CSMD1: variants seen among roughly 807,000 people sequenced by gnomAD.
The protein encoded by CSMD1 is CUB and Sushi multiple domains 1, also known as CUB and sushi domain-containing protein 1.
In CSMD1, 213 loss-of-function variants were observed where a neutral mutation model predicts 417.5. The ratio of observed to expected loss-of-function variants is 0.51; its 90% CI spans 0.46 to 0.57. The LOEUF is 0.57. CSMD1 is among the 20% of genes least tolerant of loss of function. The pLI, the probability that CSMD1 is intolerant of heterozygous loss-of-function variation, is 0.00. For missense variants in CSMD1, 6,923 were observed against 4,529.7 expected (o/e 1.53, Z -15.17); for synonymous variants, 2,862 against 1,736.8 (o/e 1.65, Z -16.11).
At chr8:3,249,419 T>G (rs1325770229) in intron 26 of CSMD1, among the ~76,000 whole-genome samples, 1 of 152,158 alleles carries the variant, frequency 6.6e-6, no homozygotes, top group Admixed American at 6.5e-5. Flanking sequence ...TGATGGCGTT[T>G]CACCATGTTG....
At chr8:4,302,166 G>T (rs766373537) in intron 3 of CSMD1, among the ~76,000 whole-genome samples, 1 of 152,168 alleles carries the variant, frequency 6.6e-6, no homozygotes, top group African/African-American at 2.4e-5. Flanking sequence ...AAGGCCAATT[G>T]CCAGGTGGAA....
At chr8:3,869,039 G>A (rs921561563) in intron 5 of CSMD1, among the ~76,000 whole-genome samples, 2 of 152,174 alleles carry the variant, frequency 1.3e-5, no homozygotes, top group East Asian at 1.9e-4. Flanking sequence ...TATTTACAGT[G>A]CCCTCAGGGT....
chr8:3,921,854 G>C (rs1024461675), intron 5 of CSMD1, among the ~76,000 whole-genome samples: 2 of 152,090 alleles, frequency 1.3e-5, no homozygotes, highest in African/African-American at 2.4e-5. Flanking sequence ...AAATGTATAT[G>C]CTGCTGCTGT....
intron 3 of CSMD1, among the ~76,000 whole-genome samples, chr8:4,209,033 C>A (rs1278370733): frequency 6.6e-6 from 1 of 152,138 alleles, no homozygotes; most frequent in Non-Finnish European, 1.5e-5. Context: ...CAATTGTATT[C>A]TCTCCTGTCT....
At chr8:3,301,182 CAT>C (rs1007555744) in intron 25 of CSMD1, among the ~76,000 whole-genome samples, 5 of 151,276 alleles carry the variant, frequency 3.3e-5, no homozygotes, top group Admixed American at 1.3e-4. Context: ...TAGACATAAA[CAT>C]AAATTTTTAA....
intron 2 of CSMD1, among the ~76,000 whole-genome samples, chr8:4,514,258 A>T (rs1422597777): frequency 3.3e-5 from 5 of 151,942 alleles, no homozygotes; most frequent in African/African-American, 1.2e-4. Flanking sequence ...TTTTATACGG[A>T]TATAAATCCC....
chr8:4,907,815 C>T (rs547392862), intron 1 of CSMD1, among the ~76,000 whole-genome samples: 4 of 151,934 alleles, frequency 2.6e-5, no homozygotes, highest in Non-Finnish European at 5.9e-5. Context: ...ATCCTCTTTC[C>T]TCAGCCTCGC....
rs540822683 is a variant in CSMD1 at position 3,958,059 on chromosome 8, G to A, written c.818+39844C>T. ...ATTCTCTTAGTTGTGCCTGTATACT[G>A]TTCATGTGCTATCTTAACTTTTATT... On this transcript the variant is annotated intron_variant, in intron 5 of 69. Coordinates refer to ENST00000635120, the MANE Select transcript of CSMD1 (RefSeq NM_033225.6). Among the ~76,000 whole-genome samples, 6 of 152,262 alleles carry A rather than the reference G, an allele frequency of 3.9e-5. No individual in the cohort carries two copies. In the East Asian group the frequency reaches 5.8e-4, roughly 15 times the overall value.
intron 10 of CSMD1, 144 bp downstream of exon 10, chr8:3,574,800 TC>T: frequency 1.1e-6 from 1 of 878,654 alleles, no homozygotes; most frequent in Non-Finnish European, 1.7e-6. Flanking sequence ...GAATGTGGCA[TC>T]TAGACACAGG....
At chr8:3,466,273 G>C (rs184508931) in intron 12 of CSMD1, among the ~76,000 whole-genome samples, 27 of 151,924 alleles carry the variant, frequency 1.8e-4, no homozygotes, top group Admixed American at 5.2e-4. Flanking sequence ...TCAGTTACTG[G>C]GCAGCAGAAC....
At chr8:3,137,922 T>C (rs1318914583) in intron 41 of CSMD1, among the ~76,000 whole-genome samples, 1 of 152,150 alleles carries the variant, frequency 6.6e-6, no homozygotes, top group African/African-American at 2.4e-5. Context: ...TTCATTTATA[T>C]GGCATTAACA....
chr8:3,559,085 A>G (rs1799354924), intron 10 of CSMD1, among the ~76,000 whole-genome samples: 1 of 152,236 alleles, frequency 6.6e-6, no homozygotes, highest in South Asian at 2.1e-4. Flanking sequence ...ATGCTGAAGA[A>G]TAACATCCTC....
At chr8:4,334,528 C>A (rs1346911042) in intron 3 of CSMD1, among the ~76,000 whole-genome samples, 1 of 152,096 alleles carries the variant, frequency 6.6e-6, no homozygotes, top group Non-Finnish European at 1.5e-5. Flanking sequence ...GAGCTAATTC[C>A]TTAAAATAAA....
chr8:4,272,618 G>A (rs1023849364), intron 3 of CSMD1, among the ~76,000 whole-genome samples: 2 of 152,110 alleles, frequency 1.3e-5, no homozygotes, highest in African/African-American at 2.4e-5. Flanking sequence ...GCCTGTTTTT[G>A]TTGAATTAGG....
At chr8:3,593,561 C>A (rs780458955) in intron 8 of CSMD1, among the ~76,000 whole-genome samples, 9 of 152,150 alleles carry the variant, frequency 5.9e-5, no homozygotes, top group Non-Finnish European at 8.8e-5. Flanking sequence ...GAAGGGATGT[C>A]CAGATCTGAC....
intron 26 of CSMD1, among the ~76,000 whole-genome samples, chr8:3,273,719 T>A (rs1344419141): frequency 1.3e-5 from 2 of 152,288 alleles, no homozygotes; most frequent in Admixed American, 1.3e-4. Context: ...TTTATTTGCA[T>A]AGAGGTGTTT....
intron 3 of CSMD1, among the ~76,000 whole-genome samples, chr8:4,346,361 C>T (rs546796063): frequency 2.6e-5 from 4 of 152,272 alleles, no homozygotes; most frequent in South Asian, 2.1e-4. Context: ...TATTTCCATA[C>T]GATCTGCGGC....
chr8:3,607,741 C>G (rs1003665354), intron 8 of CSMD1, among the ~76,000 whole-genome samples: 11 of 152,180 alleles, frequency 7.2e-5, no homozygotes, highest in Non-Finnish European at 1.5e-4. Flanking sequence ...TCGGTTTTGC[C>G]TATTAAAGCC....
intron 32 of CSMD1, among the ~76,000 whole-genome samples, chr8:3,201,201 T>C (rs1796973856): frequency 6.6e-6 from 1 of 152,190 alleles, no homozygotes; most frequent in South Asian, 2.1e-4. Context: ...TGTACATGTG[T>C]GGCTATTAAT....
Sources: allele counts gnomAD v4.1 joint callset (sites outside exome capture counted in the v4.1 genomes callset), GRCh38; gene constraint gnomAD v4.1.1; transcripts MANE v1.5; gene names NCBI Gene and HGNC (gene_info 2026-07-23, HGNC 2026-07-21).